RAD9A: variants seen among roughly 807,000 people sequenced by gnomAD.
RAD9A encodes RAD9 checkpoint clamp component A, also known as cell cycle checkpoint control protein RAD9A.
In RAD9A, 25 loss-of-function variants were observed where a neutral mutation model predicts 41.2. The observed-to-expected ratio is 0.61, with a 90% CI of 0.44 to 0.85. The LOEUF is 0.85. RAD9A is among the 40% of genes least tolerant of loss of function. The pLI, the probability that RAD9A is intolerant of heterozygous loss-of-function variation, is 0.00. For missense variants in RAD9A, 514 were observed against 518.3 expected, an observed-to-expected ratio of 0.99 and a Z score of 0.08; for synonymous variants, 252 against 210.6, an observed-to-expected ratio of 1.20 and a Z score of -1.70.
chr11:67,395,435 A>G (rs1160339735), intron 5 of RAD9A: 1 of 473,232 alleles, frequency 2.1e-6, no homozygotes, highest in Non-Finnish European at 3.7e-6. Flanking sequence ...GAGGATAAGG[A>G]TTTCAGGGCT....
Position 67,393,784 on chromosome 11 carries a change from C to T in RAD9A, c.443C>T (p.Pro148Leu). ...TCGTGCCCCCACATGCTCCGCGCCC[C>T]AGCACGGTGAGCACACCCCTGCCCT... is the stretch of plus-strand genomic sequence containing the variant. ...PASCPHMLRA[P>L]ARVLGEAVLP... Residue 148 changes from proline (P) to leucine (L), a missense_variant, in exon 5 of 11, where the codon CCA (proline) becomes CTA (leucine). By Grantham distance (98) the Pro-to-Leu change is moderately conservative (BLOSUM62 -3). Transcript: ENST00000307980. 1 of 1,605,264 alleles carries T rather than the reference C, an allele frequency of 6.2e-7. No homozygotes were observed. Among genetic ancestry groups the T allele is most frequent in the South Asian group, 1.1e-5 (1 of 89,906 alleles).
rs1356626872 is a variant in RAD9A, at chr11:67,397,452, TTC to T, written c.1081-8_1081-7del. 2.5e-6 allele frequency: 4 copies of T among 1,605,640 alleles called. No individual in the cohort carries two copies. The highest frequency in any genetic ancestry group is 3.4e-6 in the Non-Finnish European group (4 of 1,173,010). Reference sequence around the variant, plus strand: ...GGGAGCAGCCTCCAGAACTCACTTGTTCTCTTTCCAGTTCCGCTCACTGTTCT... The same window carrying T: ...GGGAGCAGCCTCCAGAACTCACTTGTTCTTTCCAGTTCCGCTCACTGTTCT... On this transcript the variant is annotated splice_polypyrimidine_tract_variant and intron_variant, in intron 10 of 10. Transcript: ENST00000307980.
intron 6 of RAD9A, 24 bp from the exon 7 acceptor site, chr11:67,395,888 G>A (rs1862678075): frequency 1.9e-6 from 3 of 1,613,584 alleles, no homozygotes; most frequent in Middle Eastern, 1.7e-4. Flanking sequence ...CGGGGCCCAG[G>A]TTACTCCTGT....
chr11:67,395,850 G>C, intron 6 of RAD9A, 25 bp downstream of exon 6: 1 of 1,613,216 alleles, frequency 6.2e-7, no homozygotes. Context: ...CGTGGCCTGG[G>C]ACAGCAGAGT....
At chr11:67,392,262 G>GGGGGGGGGGGC in intron 2 of RAD9A, 31 bp downstream of exon 2, 18 of 600,696 alleles carry the variant, frequency 3.0e-5, no homozygotes, top group East Asian at 2.2e-4. Flanking sequence ...GGGCGGGTGG[G>GGGGGGGGGGGC]ACTCCAGCCG....
At position 67,397,807 on chromosome 11, in the gene RAD9A, C is replaced by T. The variant is rs940312255; in HGVS notation, c.*248C>T. On this transcript the variant is annotated 3_prime_UTR_variant, in exon 11 of 11. Coordinates refer to ENST00000307980, the MANE Select transcript of RAD9A (RefSeq NM_004584.3). ...TCCAGACTTGGCCCTGAACTACTGA[C>T]GTTCCTACCTCTTATTTCTCATTGA... 2.5e-5 allele frequency: 13 copies of T among 515,768 alleles called. No homozygotes were observed. The highest frequency in any genetic ancestry group is 1.2e-4 in the African/African-American group (6 of 51,360). 31.9% of individuals were successfully genotyped at this position (515,768 alleles called of 1,614,324 possible).
At position 67,396,423 on chromosome 11, in the gene RAD9A, C is replaced by T. The variant is rs370979662; in HGVS notation, c.872+23C>T. On this transcript the variant is annotated intron_variant, in intron 9 of 10. Transcript: ENST00000307980. ...CAGGTGAGGGCACCTCCCCCCAACT[C>T]CTCCTCTCTCCATGTCTGTGCACTC... 43 of 1,609,736 alleles carry T rather than the reference C, an allele frequency of 2.7e-5. No homozygotes were observed. The Admixed American group carries it at 7.0e-4, about 26-fold the overall frequency.
chr11:67,397,627 G>C lies in RAD9A; in HGVS notation c.*68G>C. On this transcript the variant is annotated 3_prime_UTR_variant, in exon 11 of 11. Transcript: ENST00000307980. ...GAAGCCCCAGCCAGTGGCAGAACTG[G>C]GTCTCTCAGCCCTGGGGATCAGAAA... 1 of 1,388,202 alleles carries C rather than the reference G, an allele frequency of 7.2e-7. No individual in the cohort carries two copies. Among genetic ancestry groups the C allele is most frequent in the Non-Finnish European group, 9.9e-7 (1 of 1,005,438 alleles). 86.0% of individuals were successfully genotyped at this position (1,388,202 alleles called of 1,614,324 possible).
Position 67,397,544 on chromosome 11 carries a change from T to C in RAD9A, c.1161T>C (p.Ser387=), listed in dbSNP as rs2066494. 28,362 of 1,607,170 alleles carry C rather than the reference T, an allele frequency of 0.018. 3,389 individuals carry two copies. In the Admixed American group the frequency reaches 0.29, roughly 17 times the overall value. Residue 387 remains serine (S), a synonymous_variant, in exon 11 of 11, where the codon AGT becomes AGC. Coordinates refer to ENST00000307980, the MANE Select transcript of RAD9A (RefSeq NM_004584.3). ...QGPSPVLAED[S]EGEG ...CCAGCCCTGTGCTGGCGGAAGACAG[T>C]GAGGGTGAAGGCTGAACCAAGAACC... is the stretch of plus-strand genomic sequence containing the variant.
At chr11:67,394,624 CTTT>C (rs111881362) in intron 5 of RAD9A, among the ~76,000 whole-genome samples, 8 of 138,534 alleles carry the variant, frequency 5.8e-5, no homozygotes, top group Admixed American at 1.4e-4. Context: ...AGGGTGGTGT[CTTT>C]TTTTTTTTTT....
In RAD9A at chr11:67,397,922, G is replaced by T. The variant is rs943860427; in HGVS notation, c.*363G>T. On this transcript the variant is annotated 3_prime_UTR_variant, in exon 11 of 11. Coordinates refer to ENST00000307980, the MANE Select transcript of RAD9A (RefSeq NM_004584.3). ...GGAAAATGTCATAGTAGGTGCTGCT[G>T]GCCCCTGGTGATCCAGCTTCTCTGC... 2 of 249,106 alleles carry T rather than the reference G, an allele frequency of 8.0e-6. No homozygotes were observed. Among genetic ancestry groups the T allele is most frequent in the African/African-American group, 2.3e-5 (1 of 43,768 alleles). 15.4% of individuals were successfully genotyped at this position (249,106 alleles called of 1,614,324 possible).
At chr11:67,394,895 C>T (rs752167827) in intron 5 of RAD9A, among the ~76,000 whole-genome samples, 27 of 152,104 alleles carry the variant, frequency 1.8e-4, no homozygotes, top group Non-Finnish European at 8.8e-5. Flanking sequence ...GGATTACAGG[C>T]GTCAGCCACC....
At chr11:67,396,459 C>T (rs770231099) in intron 9 of RAD9A, 59 bp downstream of exon 9, 277 of 1,577,938 alleles carry the variant, frequency 1.8e-4, no homozygotes, top group Non-Finnish European at 2.2e-4. Flanking sequence ...CAGCCTGAGA[C>T]TGCAACTCCT....
chr11:67,393,859 G>T, intron 5 of RAD9A, 69 bp downstream of exon 5: 1 of 1,237,736 alleles, frequency 8.1e-7, no homozygotes, highest in East Asian at 2.6e-5. Context: ...CCAAGGGGTT[G>T]ATTTTAGAAG....
At position 67,393,542 on chromosome 11, in the gene RAD9A, T is replaced by C. The variant is rs749833587; in HGVS notation, c.281T>C (p.Val94Ala). 101 of 1,614,026 alleles carry C rather than the reference T, an allele frequency of 6.3e-5. No homozygotes were observed. The highest frequency in any genetic ancestry group is 8.5e-5 in the Non-Finnish European group (100 of 1,180,004). ...FRSLAMLEKT[V>A]EKCCISLNGR... ...TCACTGGCGATGCTGGAGAAGACGG[T>C]GGAAAAATGCTGCATCTCCCTGAAT... The change falls in exon 4 of 11, where the codon GTG (valine) becomes GCG (alanine). Residue 94 changes from valine (V) to alanine (A), a missense_variant. Val to Ala is a moderately conservative substitution (Grantham distance 64). Around this residue, in one of 3 missense-constraint regions of RAD9A, gnomAD observed 268 missense variants for 279.3 expected, o/e 0.96. Coordinates refer to ENST00000307980, the MANE Select transcript of RAD9A (RefSeq NM_004584.3).
In RAD9A at chr11:67,392,057, G is replaced by A; in HGVS notation, c.13G>A (p.Val5Ile). The A allele has an allele frequency of 6.3e-7, 1 of 1,580,850 alleles. No homozygotes were observed. The highest frequency in any genetic ancestry group is 8.6e-7 in the Non-Finnish European group (1 of 1,165,328). The change falls in exon 1 of 11, where the codon GTC becomes ATC. Residue 5 changes from valine (V) to isoleucine (I), a missense_variant. Physicochemically the swap from Val to Ile is conservative, Grantham distance 29 (BLOSUM62 3). Coordinates refer to ENST00000307980, the MANE Select transcript of RAD9A (RefSeq NM_004584.3). ...GCGCTGGGGCAGCATGAAGTGCCTG[G>A]TCACGGGCGGCAACGTGAAGGGTGA... is the stretch of plus-strand genomic sequence containing the variant. Reference protein sequence around the residue: MKCLVTGGNVKVLGK... With the variant: MKCLITGGNVKVLGK...
intron 9 of RAD9A, 59 bp downstream of exon 9, chr11:67,396,459 C>G: frequency 6.3e-7 from 1 of 1,578,056 alleles, no homozygotes; most frequent in Non-Finnish European, 8.7e-7. Flanking sequence ...CAGCCTGAGA[C>G]TGCAACTCCT....
At chr11:67,395,866 G>A in intron 6 of RAD9A, 41 bp downstream of exon 6, 1 of 1,612,952 alleles carries the variant, frequency 6.2e-7, no homozygotes, top group Non-Finnish European at 8.5e-7. Flanking sequence ...AGAGTGGCAG[G>A]TGGGAGAGGG....
At chr11:67,394,984 G>C (rs1862636359) in intron 5 of RAD9A, among the ~76,000 whole-genome samples, 1 of 151,360 alleles carries the variant, frequency 6.6e-6, no homozygotes, top group Admixed American at 6.6e-5. Flanking sequence ...CTGTCACCCA[G>C]GCTGGAGTGC....
Sources: gnomAD v4.1 joint callset for allele counts (sites outside exome capture counted in the v4.1 genomes callset) on GRCh38, gnomAD v4.1.1 for gene constraint, gnomAD v4.1.1 regional missense constraint, MANE v1.5 for transcripts, NCBI Gene and HGNC (gene_info 2026-07-23, HGNC 2026-07-21) for gene names.